Variants in ADGRB3 observed in about 807,000 individuals in gnomAD.
ADGRB3 encodes the protein adhesion G protein-coupled receptor B3, also known as brain-specific angiogenesis inhibitor 3.
ADGRB3 carries 37 observed loss-of-function variants against 193.4 expected under a neutral mutation model. The observed-to-expected ratio is 0.19, with a 90% CI of 0.15 to 0.25. The LOEUF is 0.25. Among genes scored for constraint, ADGRB3 ranks in the 10% least tolerant of loss-of-function variants. The pLI is 1.00. For missense variants in ADGRB3, 1,637 were observed against 1,852.9 expected, an observed-to-expected ratio of 0.88 and a Z score of 2.14; for synonymous variants, 690 against 644.2, an observed-to-expected ratio of 1.07 and a Z score of -1.08.
intron 25 of ADGRB3, 52 bp downstream of exon 25, chr6:69,339,066 T>G (rs766110985): frequency 7.0e-6 from 11 of 1,577,468 alleles, no homozygotes; most frequent in Non-Finnish European, 9.6e-6. Flanking sequence ...ACAGTGCATG[T>G]GAGAAAATGC....
intron 3 of ADGRB3, among the ~76,000 whole-genome samples, chr6:68,902,506 G>A (rs1766423830): frequency 6.6e-6 from 1 of 151,756 alleles, no homozygotes; most frequent in Non-Finnish European, 1.5e-5. Flanking sequence ...ATTTTAAAAT[G>A]CCCCTAAATA....
intron 10 of ADGRB3, among the ~76,000 whole-genome samples, chr6:68,981,937 G>C (rs1044630344): frequency 3.5e-5 from 5 of 143,276 alleles, no homozygotes; most frequent in Non-Finnish European, 4.8e-5. Flanking sequence ...GAGTGCAATG[G>C]TGCGATCTCG....
intron 16 of ADGRB3, among the ~76,000 whole-genome samples, chr6:69,065,706 T>C (rs1379064722): frequency 2.0e-5 from 3 of 150,988 alleles, no homozygotes; most frequent in Admixed American, 1.3e-4. Flanking sequence ...AGAAAAAATA[T>C]ATCTTAAATA....
chr6:69,353,506 G>A (rs1044865287), intron 26 of ADGRB3, among the ~76,000 whole-genome samples: 54 of 152,284 alleles, frequency 3.5e-4, no homozygotes, highest in African/African-American at 1.1e-3. Flanking sequence ...TCAGTCAAAA[G>A]ATCATTGAAT....
chr6:69,047,176 G>A (rs1036050221), intron 13 of ADGRB3, among the ~76,000 whole-genome samples: 1 of 152,070 alleles, frequency 6.6e-6, no homozygotes, highest in African/African-American at 2.4e-5. Flanking sequence ...TTTTACTTTA[G>A]CTTTTCAATT....
chr6:69,049,209 A>G (rs933541974), intron 14 of ADGRB3, 62 bp from the exon 15 acceptor site: 3 of 1,230,774 alleles, frequency 2.4e-6, no homozygotes, highest in Non-Finnish European at 3.5e-6. Flanking sequence ...AGCAGATTAA[A>G]GTTTTATAAG....
chr6:68,979,797 AC>A (rs1256072673), intron 10 of ADGRB3, among the ~76,000 whole-genome samples: 3 of 151,378 alleles, frequency 2.0e-5, no homozygotes, highest in Non-Finnish European at 4.4e-5. Flanking sequence ...GAACAAATAG[AC>A]TTATTTTGTC....
chr6:68,767,891 C>T (rs555769083), intron 3 of ADGRB3, among the ~76,000 whole-genome samples: 2 of 152,130 alleles, frequency 1.3e-5, no homozygotes, highest in Non-Finnish European at 1.5e-5. Context: ...CCCTATACAC[C>T]AATGTTAGAT....
At chr6:68,716,409 G>A (rs1210439625) in intron 3 of ADGRB3, among the ~76,000 whole-genome samples, 1 of 151,620 alleles carries the variant, frequency 6.6e-6, no homozygotes, top group Non-Finnish European at 1.5e-5. Context: ...GAACCTTGAA[G>A]ATATTAAAGT....
intron 17 of ADGRB3, among the ~76,000 whole-genome samples, chr6:69,131,540 T>G (rs1774008900): frequency 6.6e-6 from 1 of 152,116 alleles, no homozygotes; most frequent in Admixed American, 6.6e-5. Flanking sequence ...TGGCAAATAC[T>G]GTATACTAAA....
chr6:68,741,281 C>G (rs931685643), intron 3 of ADGRB3, among the ~76,000 whole-genome samples: 1 of 152,020 alleles, frequency 6.6e-6, no homozygotes, highest in South Asian at 2.1e-4. Context: ...CTAAGGCACC[C>G]GGAGATAAAG....
At chr6:69,221,868 G>A (rs191340467) in intron 17 of ADGRB3, among the ~76,000 whole-genome samples, 1 of 152,116 alleles carries the variant, frequency 6.6e-6, no homozygotes, top group Admixed American at 6.6e-5. Context: ...CCCTTCGGTA[G>A]CATATAATTT....
At chr6:69,358,283 G>A (rs1769375869) in intron 28 of ADGRB3, among the ~76,000 whole-genome samples, 1 of 151,856 alleles carries the variant, frequency 6.6e-6, no homozygotes, top group Admixed American at 6.6e-5. Flanking sequence ...GAAACTGGAG[G>A]TTGGGGTATA....
rs147533116 is a variant in ADGRB3, at chr6:68,937,341, G to A, written c.1030+661G>A. On this transcript the variant is annotated intron_variant, in intron 5 of 31. Coordinates refer to ENST00000370598, the MANE Select transcript of ADGRB3 (RefSeq NM_001704.3). ...CAATTTTGTTCTTCAGTTGATGCAC[G>A]CATGCATATTATAGACATTTCTCCC... 3.8e-3 allele frequency among the ~76,000 whole-genome samples: 578 copies of A among 152,208 alleles called. 4 individuals are homozygous for A. Among genetic ancestry groups the A allele is most frequent in the Middle Eastern group, 0.024 (7 of 294 alleles).
At chr6:68,824,746 A>T (rs1033350620) in intron 3 of ADGRB3, among the ~76,000 whole-genome samples, 4 of 150,878 alleles carry the variant, frequency 2.7e-5, no homozygotes, top group Non-Finnish European at 5.9e-5. Flanking sequence ...CTTCTGTCTC[A>T]TCTTTTTTTA....
intron 8 of ADGRB3, among the ~76,000 whole-genome samples, chr6:68,967,026 T>TA (rs1174413744): frequency 1.3e-5 from 2 of 152,188 alleles, no homozygotes; most frequent in Non-Finnish European, 2.9e-5. Context: ...TTTGATAAAA[T>TA]AGTTAAAGCA....
intron 3 of ADGRB3, among the ~76,000 whole-genome samples, chr6:68,699,480 G>A (rs1199054941): frequency 6.6e-6 from 1 of 151,958 alleles, no homozygotes; most frequent in Non-Finnish European, 1.5e-5. Context: ...TTAATATTTT[G>A]AGACATATTT....
At chr6:68,733,490 G>T (rs1457845229) in intron 3 of ADGRB3, among the ~76,000 whole-genome samples, 1 of 151,700 alleles carries the variant, frequency 6.6e-6, no homozygotes. Context: ...TCAAAAAGGG[G>T]GAAGAAGGGA....
intron 20 of ADGRB3, among the ~76,000 whole-genome samples, chr6:69,319,244 A>G (rs921367263): frequency 6.6e-6 from 1 of 151,114 alleles, no homozygotes; most frequent in Non-Finnish European, 1.5e-5. Flanking sequence ...TTTCTCTTTA[A>G]TTGATTATTT....
Sources: allele counts gnomAD v4.1 joint callset (sites outside exome capture counted in the v4.1 genomes callset), GRCh38; gene constraint gnomAD v4.1.1; transcripts MANE v1.5; gene names NCBI Gene and HGNC (gene_info 2026-07-23, HGNC 2026-07-21).